GPHN: variants seen among roughly 807,000 people sequenced by gnomAD.
GPHN encodes gephyrin.
GPHN carries 17 observed loss-of-function variants against 95.5 expected under a neutral mutation model. That is an observed-to-expected ratio of 0.18 (90% CI 0.12 to 0.27). The LOEUF is 0.27. GPHN is among the 10% of genes least tolerant of loss of function. GPHN has a pLI of 1.00. For synonymous variants in GPHN, 320 were observed against 322.5 expected (o/e 0.99, Z 0.08); for missense variants, 660 against 978.1 (o/e 0.67, Z 4.34).
chr14:67,395,329 A>G, the GPHN span: 1 of 1,358,118 alleles, frequency 7.4e-7, no homozygotes, highest in Non-Finnish European at 1.0e-6. Flanking sequence ...AGCCCCCCCA[A>G]GGGGCAGGGT....
chr14:67,718,487 G>C, the GPHN span, among the ~76,000 whole-genome samples: 2 of 152,208 alleles, frequency 1.3e-5, no homozygotes, highest in Non-Finnish European at 2.9e-5. Flanking sequence ...CTGCTTCATA[G>C]CATGTGATCT....
At chr14:66,943,933 C>G (rs978166677) in intron 8 of GPHN, among the ~76,000 whole-genome samples, 33 of 152,154 alleles carry the variant, frequency 2.2e-4, no homozygotes, top group African/African-American at 7.5e-4. Flanking sequence ...GATCTATCCA[C>G]TTTTAATTCT....
chr14:67,517,373 A>C, the GPHN span, among the ~76,000 whole-genome samples: 1 of 152,268 alleles, frequency 6.6e-6, no homozygotes, highest in African/African-American at 2.4e-5. Flanking sequence ...CACCTTATGC[A>C]TGAGGCACGG....
At chr14:66,695,935 A>G (rs539946549) in intron 2 of GPHN, among the ~76,000 whole-genome samples, 1 of 152,298 alleles carries the variant, frequency 6.6e-6, no homozygotes, top group African/African-American at 2.4e-5. Context: ...TGAAGGAAAC[A>G]TGTTATGATG....
chr14:67,158,472 C>T (rs1419942709), intron 18 of GPHN, among the ~76,000 whole-genome samples: 1 of 151,990 alleles, frequency 6.6e-6, no homozygotes, highest in Non-Finnish European at 1.5e-5. Flanking sequence ...TTTCAGCAAT[C>T]CCGGTGAGAT....
chr14:67,270,918 G>C, the GPHN span: 2 of 152,166 alleles, frequency 1.3e-5, no homozygotes, highest in Admixed American at 1.3e-4. Flanking sequence ...CTTGAAGGTA[G>C]AAATCAATGG....
At chr14:66,972,591 C>T (rs537714267) in intron 9 of GPHN, among the ~76,000 whole-genome samples, 1 of 151,852 alleles carries the variant, frequency 6.6e-6, no homozygotes, top group East Asian at 1.9e-4. Context: ...ATTCAAGGCT[C>T]AAGTTTTAAT....
intron 1 of GPHN, among the ~76,000 whole-genome samples, chr14:66,620,676 G>A (rs186894742): frequency 4.9e-4 from 74 of 152,144 alleles, no homozygotes; most frequent in South Asian, 3.1e-3. Context: ...ATCTCTGACC[G>A]CTCTCAAATC....
intron 9 of GPHN, among the ~76,000 whole-genome samples, chr14:66,975,393 A>G (rs1315826307): frequency 6.6e-6 from 1 of 152,306 alleles, no homozygotes; most frequent in African/African-American, 2.4e-5. Flanking sequence ...GGAATAGATC[A>G]TTTTTATGTC....
At chr14:66,961,947 T>TATATATATATAC (rs1555452281) in intron 8 of GPHN, among the ~76,000 whole-genome samples, 41 of 75,084 alleles carry the variant, frequency 5.5e-4, no homozygotes, top group African/African-American at 7.1e-4. Flanking sequence ...TATATATATA[T>TATATATATATAC]ACACATATCT....
chr14:67,397,476 G>C, the GPHN span, among the ~76,000 whole-genome samples: 2 of 152,228 alleles, frequency 1.3e-5, no homozygotes, highest in Non-Finnish European at 2.9e-5. Context: ...AGGAACGAAG[G>C]CTCAGAGAGG....
At chr14:67,477,164 C>T in the GPHN span, among the ~76,000 whole-genome samples, 2 of 102,770 alleles carry the variant, frequency 1.9e-5, no homozygotes, top group Non-Finnish European at 3.8e-5. Flanking sequence ...GAAACTCCAT[C>T]TCAAAAAAAA....
the GPHN span, among the ~76,000 whole-genome samples, chr14:67,362,784 G>T: frequency 1.3e-5 from 2 of 152,072 alleles, no homozygotes; most frequent in African/African-American, 2.4e-5. Context: ...ATTTCATTAG[G>T]CAATATGTTC....
chr14:66,526,732 A>G (rs999378126), intron 1 of GPHN, among the ~76,000 whole-genome samples: 3 of 152,182 alleles, frequency 2.0e-5, no homozygotes, highest in African/African-American at 4.8e-5. Context: ...TACTGAGATA[A>G]TCATGTGGTT....
intron 3 of GPHN, among the ~76,000 whole-genome samples, chr14:66,778,195 GC>G (rs1418405163): frequency 3.3e-5 from 5 of 151,990 alleles, no homozygotes; most frequent in Non-Finnish European, 5.9e-5. Flanking sequence ...CAAACAGAGA[GC>G]CAAATCATGA....
chr14:66,799,244 A>G (rs1303931598), intron 3 of GPHN, among the ~76,000 whole-genome samples: 1 of 152,004 alleles, frequency 6.6e-6, no homozygotes, highest in Non-Finnish European at 1.5e-5. Flanking sequence ...CATATGGTCT[A>G]TTCTAGAGAA....
At chr14:67,698,429 C>T in the GPHN span, among the ~76,000 whole-genome samples, 1 of 152,096 alleles carries the variant, frequency 6.6e-6, no homozygotes, top group Non-Finnish European at 1.5e-5. Context: ...TGTGCCACTG[C>T]ACTCCACCCT....
At chr14:66,912,177 C>A (rs904435411) in intron 5 of GPHN, among the ~76,000 whole-genome samples, 2 of 152,054 alleles carry the variant, frequency 1.3e-5, no homozygotes, top group Non-Finnish European at 2.9e-5. Flanking sequence ...CATCAGCTTC[C>A]ACCCACACTT....
the GPHN span, among the ~76,000 whole-genome samples, chr14:67,566,777 C>G: frequency 6.7e-6 from 1 of 149,172 alleles, no homozygotes; most frequent in Non-Finnish European, 1.5e-5. Context: ...AGTGGGTCTT[C>G]TCTATCTGAA....
Sources: allele counts gnomAD v4.1 joint callset (sites outside exome capture counted in the v4.1 genomes callset), GRCh38; gene constraint gnomAD v4.1.1; transcripts MANE v1.5; gene names NCBI Gene and HGNC (gene_info 2026-07-23, HGNC 2026-07-21).